CTNND2: variants seen among roughly 807,000 people sequenced by gnomAD.
The protein encoded by CTNND2 is catenin delta-2.
Under a neutral mutation model 144.4 loss-of-function variants are expected in CTNND2, and 22 were observed. The ratio of observed to expected loss-of-function variants is 0.15; its 90% CI spans 0.11 to 0.22. The LOEUF is 0.22. Among genes scored for constraint, CTNND2 ranks in the 10% least tolerant of loss-of-function variants. The probability of loss-of-function intolerance (pLI) is 1.00; values close to 1 mark genes in which losing one functional copy is unlikely to be tolerated. For missense variants in CTNND2, 1,353 were observed against 1,618.8 expected (o/e 0.84, Z 2.82); for synonymous variants, 751 against 695.6 (o/e 1.08, Z -1.25).
intron 1 of CTNND2, among the ~76,000 whole-genome samples, chr5:11,751,356 T>C (rs1226903730): frequency 2.0e-5 from 3 of 151,674 alleles, no homozygotes; most frequent in Non-Finnish European, 4.4e-5. Flanking sequence ...TAGTAGACAA[T>C]AGGTAGTTGT....
chr5:11,120,792 G>A lies in CTNND2; in HGVS notation c.2160-3225C>T, dbSNP rs185910372. The stretch of plus-strand genomic sequence containing the variant: ...TGAAGAGGGCGTTATCATACTGTCC[G>A]CAGGCATGATGAGGCTCAGTATACA... On this transcript the variant is annotated intron_variant, in intron 12 of 21. Coordinates refer to ENST00000304623, the MANE Select transcript of CTNND2 (RefSeq NM_001332.4). 2.0e-4 allele frequency among the ~76,000 whole-genome samples: 30 copies of A among 152,276 alleles called. 1 individual carries two copies. In the East Asian group the frequency reaches 4.6e-3, roughly 23 times the overall value.
At chr5:11,183,471 C>T (rs1735309227) in intron 11 of CTNND2, among the ~76,000 whole-genome samples, 2 of 151,914 alleles carry the variant, frequency 1.3e-5, no homozygotes, top group East Asian at 1.9e-4. Flanking sequence ...AGGATGGCAT[C>T]GACACTCTCC....
Position 11,662,404 on chromosome 5 carries a change from A to G in CTNND2, c.174+69732T>C, listed in dbSNP as rs1418660124. The stretch of plus-strand genomic sequence containing the variant: ...AGCAAGGAAGCCAGTCTGAGTCCCA[A>G]AGCTGAAGAACTTGGAGTCCAATGT... On this transcript the variant is annotated intron_variant, in intron 2 of 21. Transcript: ENST00000304623. Among the ~76,000 whole-genome samples, 4 of 151,634 alleles carry G rather than the reference A, an allele frequency of 2.6e-5. No homozygotes were observed. The East Asian group carries it at 5.8e-4, about 22-fold the overall frequency.
chr5:11,804,564 C>A (rs1404715265), intron 1 of CTNND2, among the ~76,000 whole-genome samples: 1 of 152,082 alleles, frequency 6.6e-6, no homozygotes, highest in Non-Finnish European at 1.5e-5. Context: ...ATGGCTTAAA[C>A]CCTCATTACT....
chr5:11,104,298 C>T (rs1390099425), intron 14 of CTNND2, among the ~76,000 whole-genome samples: 1 of 152,202 alleles, frequency 6.6e-6, no homozygotes, highest in African/African-American at 2.4e-5. Flanking sequence ...TAAGATCCCA[C>T]TCTTTCCTCT....
At chr5:11,753,254 G>T (rs1342997982) in intron 1 of CTNND2, among the ~76,000 whole-genome samples, 1 of 151,832 alleles carries the variant, frequency 6.6e-6, no homozygotes, top group Non-Finnish European at 1.5e-5. Flanking sequence ...TCTTGTTCCA[G>T]TTCTCAAGGG....
rs985090395 is a variant in CTNND2, at chr5:11,478,232, A to G, written c.288-66163T>C. ...TTAAAAAATTTCTCCCACTTTATCA[A>G]TTTGTATCCATTTTTTCATGGGCCC... On this transcript the variant is annotated intron_variant, in intron 3 of 21. Coordinates refer to ENST00000304623, the MANE Select transcript of CTNND2 (RefSeq NM_001332.4). Among the ~76,000 whole-genome samples the G allele has an allele frequency of 3.3e-5, 5 of 152,042 alleles. No homozygotes were observed. In the East Asian group the frequency reaches 9.6e-4, roughly 29 times the overall value.
intron 10 of CTNND2, among the ~76,000 whole-genome samples, chr5:11,212,245 G>A (rs1024554244): frequency 2.6e-5 from 4 of 152,162 alleles, no homozygotes; most frequent in Admixed American, 2.0e-4. Flanking sequence ...TCATGGTTTA[G>A]TGAAGGGGAT....
At position 11,275,081 on chromosome 5, in the gene CTNND2, C is replaced by G. The variant is rs141442844; in HGVS notation, c.1629-38258G>C. On this transcript the variant is annotated intron_variant, in intron 9 of 21. Coordinates refer to ENST00000304623, the MANE Select transcript of CTNND2 (RefSeq NM_001332.4). ...ATAGATAAACTTATGCAGGTTAATG[C>G]GTGGGTGGGAACAAGTGTCCTCAAT... 3.5e-3 allele frequency among the ~76,000 whole-genome samples: 535 copies of G among 152,106 alleles called. 5 individuals are homozygous for G. The highest frequency in any genetic ancestry group is 0.012 in the African/African-American group (514 of 41,486).
At chr5:11,291,890 G>A (rs1748386126) in intron 9 of CTNND2, among the ~76,000 whole-genome samples, 1 of 151,894 alleles carries the variant, frequency 6.6e-6, no homozygotes, top group African/African-American at 2.4e-5. Flanking sequence ...CTTCAGATTT[G>A]CATTTACCAT....
At chr5:11,793,838 T>C (rs1468748251) in intron 1 of CTNND2, among the ~76,000 whole-genome samples, 18 of 152,246 alleles carry the variant, frequency 1.2e-4, no homozygotes, top group Non-Finnish European at 2.6e-4. Flanking sequence ...TTGATACCTA[T>C]GAAATTACTT....
intron 9 of CTNND2, among the ~76,000 whole-genome samples, chr5:11,334,509 C>T (rs548419106): frequency 6.6e-6 from 1 of 152,190 alleles, no homozygotes; most frequent in Non-Finnish European, 1.5e-5. Flanking sequence ...GATTTCATAT[C>T]TGTCTTTCCA....
intron 3 of CTNND2, among the ~76,000 whole-genome samples, chr5:11,482,206 C>T (rs1768341855): frequency 6.6e-6 from 1 of 152,136 alleles, no homozygotes; most frequent in Non-Finnish European, 1.5e-5. Flanking sequence ...CCTAAGCACA[C>T]TGCTATTCAT....
intron 9 of CTNND2, among the ~76,000 whole-genome samples, chr5:11,257,549 C>T (rs549536850): frequency 3.9e-5 from 6 of 152,254 alleles, no homozygotes; most frequent in Non-Finnish European, 8.8e-5. Context: ...AAATGCCAGA[C>T]GCTTATAAAA....
intron 2 of CTNND2, among the ~76,000 whole-genome samples, chr5:11,679,815 A>G (rs1018843493): frequency 2.6e-5 from 4 of 152,180 alleles, no homozygotes; most frequent in Non-Finnish European, 5.9e-5. Context: ...AGGCACTCAT[A>G]AAACTGAGGA....
At chr5:11,105,500 G>T (rs1262248385) in intron 14 of CTNND2, among the ~76,000 whole-genome samples, 1 of 152,082 alleles carries the variant, frequency 6.6e-6, no homozygotes, top group East Asian at 1.9e-4. Flanking sequence ...GAGGTATGCT[G>T]CCCCACATGT....
intron 11 of CTNND2, among the ~76,000 whole-genome samples, chr5:11,162,148 A>G (rs541534840): frequency 1.3e-5 from 2 of 152,184 alleles, no homozygotes; most frequent in South Asian, 4.2e-4. Flanking sequence ...GCAAGGTTCC[A>G]TCTCGGGAAA....
chr5:11,593,906 G>T (rs116596888), intron 2 of CTNND2, among the ~76,000 whole-genome samples: 1,604 of 144,256 alleles, frequency 0.011, 10 homozygotes, highest in East Asian at 0.03. Context: ...TTAAAATTCA[G>T]AGAGACAGAT....
intron 1 of CTNND2, among the ~76,000 whole-genome samples, chr5:11,768,016 C>T (rs139456669): frequency 6.6e-6 from 1 of 152,274 alleles, no homozygotes; most frequent in East Asian, 1.9e-4. Context: ...CAAACTCCTT[C>T]ATTTCCACTA....
Sources: allele counts gnomAD v4.1 joint callset (sites outside exome capture counted in the v4.1 genomes callset), GRCh38; gene constraint gnomAD v4.1.1; transcripts MANE v1.5; gene names NCBI Gene and HGNC (gene_info 2026-07-23, HGNC 2026-07-21).